Variants in DLG2 observed in about 807,000 individuals in gnomAD.
The protein encoded by DLG2 is disks large homolog 2.
Under a neutral mutation model 132.5 loss-of-function variants are expected in DLG2, and 45 were observed. The ratio of observed to expected loss-of-function variants is 0.34; its 90% CI spans 0.27 to 0.44. The LOEUF is 0.44. Ranked by LOEUF, DLG2 falls within the 20% of genes least tolerant of loss-of-function variation. The probability of loss-of-function intolerance (pLI) is 1.00; values close to 1 mark genes in which losing one functional copy is unlikely to be tolerated. For synonymous variants in DLG2, 424 were observed against 419.6 expected, an observed-to-expected ratio of 1.01 and a Z score of -0.13; for missense variants, 1,045 against 1,196.9, an observed-to-expected ratio of 0.87 and a Z score of 1.87.
At chr11:85,144,877 G>C (rs1416273962) in intron 5 of DLG2, among the ~76,000 whole-genome samples, 18 of 152,002 alleles carry the variant, frequency 1.2e-4, no homozygotes, top group Admixed American at 1.2e-3. Context: ...CAGTGTTGCA[G>C]TATTCTGTAT....
chr11:84,432,025 A>G (rs2098986252), intron 7 of DLG2, among the ~76,000 whole-genome samples: 1 of 152,216 alleles, frequency 6.6e-6, no homozygotes, highest in African/African-American at 2.4e-5. Flanking sequence ...GTTGAATAAG[A>G]TTGAGAAATC....
chr11:83,752,576 C>A lies in DLG2; in HGVS notation c.1825+34114G>T, dbSNP rs140286896. 5.5e-3 allele frequency among the ~76,000 whole-genome samples: 834 copies of A among 152,124 alleles called. 9 individuals carry two copies. Among genetic ancestry groups the A allele is most frequent in the African/African-American group, 0.019 (775 of 41,486 alleles). Reference sequence around the variant, plus strand: ...AATTTTGGTGAGTGGTGGGGATGAACGCCAGATAGAGTGGGTTCAAAGGAG... The same window carrying A: ...AATTTTGGTGAGTGGTGGGGATGAAAGCCAGATAGAGTGGGTTCAAAGGAG... On this transcript the variant is annotated intron_variant, in intron 18 of 27. Coordinates refer to ENST00000376104, the MANE Select transcript of DLG2 (RefSeq NM_001142699.3).
chr11:84,654,191 C>T (rs940734827), intron 6 of DLG2, among the ~76,000 whole-genome samples: 2 of 152,142 alleles, frequency 1.3e-5, no homozygotes, highest in African/African-American at 4.8e-5. Context: ...TCTTTGTAAC[C>T]CCCATATCCT....
At chr11:85,285,396 A>T in intron 3 of DLG2, 31 bp from the exon 4 acceptor site, 3 of 1,599,356 alleles carry the variant, frequency 1.9e-6, no homozygotes, top group Non-Finnish European at 2.6e-6. Flanking sequence ...AAGCATCAAA[A>T]TGTAATGCAT....
intron 4 of DLG2, among the ~76,000 whole-genome samples, chr11:85,253,072 A>C (rs956050291): frequency 6.6e-6 from 1 of 152,172 alleles, no homozygotes; most frequent in African/African-American, 2.4e-5. Context: ...ATTACTTCCT[A>C]TCTCTGAGGA....
At chr11:85,404,459 T>C (rs990948898) in intron 3 of DLG2, among the ~76,000 whole-genome samples, 3 of 151,976 alleles carry the variant, frequency 2.0e-5, no homozygotes, top group Non-Finnish European at 4.4e-5. Flanking sequence ...TCATTGTAGG[T>C]ACCAGGGAGT....
At chr11:85,476,210 T>G (rs1046107608) in intron 3 of DLG2, among the ~76,000 whole-genome samples, 1 of 152,114 alleles carries the variant, frequency 6.6e-6, no homozygotes, top group Non-Finnish European at 1.5e-5. Flanking sequence ...TTTGTGTATC[T>G]AAACATAGAA....
intron 3 of DLG2, among the ~76,000 whole-genome samples, chr11:85,364,336 G>A (rs1216998158): frequency 6.6e-6 from 1 of 152,120 alleles, no homozygotes; most frequent in African/African-American, 2.4e-5. Context: ...CTGCCAGTAT[G>A]CAGAGCAGAC....
At chr11:84,639,028 G>T (rs1253034972) in intron 6 of DLG2, among the ~76,000 whole-genome samples, 1 of 152,106 alleles carries the variant, frequency 6.6e-6, no homozygotes. Flanking sequence ...TTCACATCAC[G>T]TCTGCATGAA....
In DLG2 at chr11:85,041,153, C is replaced by T. The variant is rs548134844; in HGVS notation, c.357+70508G>A. Among the ~76,000 whole-genome samples the T allele has an allele frequency of 1.3e-4, 19 of 151,810 alleles. 1 individual carries two copies. The highest frequency in any genetic ancestry group is 4.2e-4 in the South Asian group (2 of 4,808). On this transcript the variant is annotated intron_variant, in intron 6 of 27. Coordinates refer to ENST00000376104, the MANE Select transcript of DLG2 (RefSeq NM_001142699.3). Reference sequence around the variant, plus strand: ...TCTAATTAATATTACCTTGCCAAAACGAAATATATCTTTACGAAGAACTTG... The same window carrying T: ...TCTAATTAATATTACCTTGCCAAAATGAAATATATCTTTACGAAGAACTTG...
intron 14 of DLG2, among the ~76,000 whole-genome samples, chr11:83,961,956 T>C (rs1701117233): frequency 6.6e-6 from 1 of 151,976 alleles, no homozygotes; most frequent in Non-Finnish European, 1.5e-5. Context: ...TATTGCAAAA[T>C]AAATGGAAAA....
At chr11:84,761,523 G>A (rs911346490) in intron 6 of DLG2, among the ~76,000 whole-genome samples, 6 of 152,144 alleles carry the variant, frequency 3.9e-5, no homozygotes, top group African/African-American at 1.4e-4. Context: ...AATCTAATCA[G>A]CTGCCAGCAT....
At chr11:85,613,052 C>T (rs750262416) in intron 2 of DLG2, among the ~76,000 whole-genome samples, 5 of 152,074 alleles carry the variant, frequency 3.3e-5, no homozygotes, top group East Asian at 1.9e-4. Context: ...AGATGCTGTC[C>T]GGCGTTTATA....
At chr11:83,735,228 C>T (rs956052575) in intron 18 of DLG2, among the ~76,000 whole-genome samples, 2 of 152,034 alleles carry the variant, frequency 1.3e-5, no homozygotes, top group East Asian at 3.9e-4. Flanking sequence ...TTCATAGGTA[C>T]GTATTTTAAA....
chr11:84,270,679 G>A lies in DLG2; in HGVS notation c.520-19388C>T, dbSNP rs116829879. On this transcript the variant is annotated intron_variant, in intron 7 of 27. Coordinates refer to ENST00000376104, the MANE Select transcript of DLG2 (RefSeq NM_001142699.3). ...TGATCCGGACCATCTAGGTGGCTCC[G>A]CATTCTAACGATGCGTTAGGAATCC... 2.6e-3 allele frequency among the ~76,000 whole-genome samples: 393 copies of A among 152,200 alleles called. 1 individual carries two copies. Among genetic ancestry groups the A allele is most frequent in the African/African-American group, 9.0e-3 (372 of 41,512 alleles).
chr11:84,573,327 T>G, intron 6 of DLG2, among the ~76,000 whole-genome samples: 1 of 152,254 alleles, frequency 6.6e-6, no homozygotes, highest in Middle Eastern at 3.4e-3. Context: ...ACTTACAAAA[T>G]TAAACTAAAA....
chr11:83,610,310 A>G (rs1257018841), intron 19 of DLG2, among the ~76,000 whole-genome samples: 3 of 152,210 alleles, frequency 2.0e-5, no homozygotes, highest in African/African-American at 7.2e-5. Context: ...AAGGCTGCCC[A>G]GCTAACAAGA....
At chr11:83,734,896 T>C (rs2091684521) in intron 18 of DLG2, among the ~76,000 whole-genome samples, 1 of 151,846 alleles carries the variant, frequency 6.6e-6, no homozygotes, top group African/African-American at 2.4e-5. Context: ...TATATACACA[T>C]ATGTATAAAA....
chr11:84,054,891 T>C (rs751118672), intron 11 of DLG2, among the ~76,000 whole-genome samples: 13 of 152,074 alleles, frequency 8.5e-5, no homozygotes, highest in Non-Finnish European at 1.9e-4. Flanking sequence ...ATTCTTGGCA[T>C]TAATAATCTA....
Sources: allele counts gnomAD v4.1 joint callset (sites outside exome capture counted in the v4.1 genomes callset), GRCh38; gene constraint gnomAD v4.1.1; transcripts MANE v1.5; gene names NCBI Gene and HGNC (gene_info 2026-07-23, HGNC 2026-07-21).